The following NME7 variants were observed in gnomAD, a reference collection of about 807,000 sequenced individuals.
The protein encoded by NME7 is nucleoside diphosphate kinase 7.
Under a neutral mutation model 49.1 loss-of-function variants are expected in NME7, and 41 were observed. That is an observed-to-expected ratio of 0.83 (90% CI 0.65 to 1.08). The LOEUF is 1.08. NME7 is among the 50% of genes least tolerant of loss of function. The probability of loss-of-function intolerance (pLI) is 0.00; values close to 1 mark genes in which losing one functional copy is unlikely to be tolerated. For missense variants in NME7, 423 were observed against 463.4 expected (o/e 0.91, Z 0.80); for synonymous variants, 139 against 150.6 (o/e 0.92, Z 0.56).
chr1:169,170,465 T>C (rs1477612246), intron 10 of NME7, among the ~76,000 whole-genome samples: 1 of 152,238 alleles, frequency 6.6e-6, no homozygotes, highest in East Asian at 1.9e-4. Context: ...TAAGTTTTAT[T>C]TGCCAGGGTT....
At chr1:169,350,241 AGAAAGAAG>A (rs1306589768) in intron 1 of NME7, among the ~76,000 whole-genome samples, 9 of 3,708 alleles carry the variant, frequency 2.4e-3, no homozygotes, top group East Asian at 0.012. Context: ...AAAGAAAGAA[AGAAAGAAG>A]GAAGGAAGGA....
At chr1:169,133,147 A>G (rs2101799422) in intron 11 of NME7, among the ~76,000 whole-genome samples, 1 of 152,350 alleles carries the variant, frequency 6.6e-6, no homozygotes, top group South Asian at 2.1e-4. Context: ...TTTGTGGTTC[A>G]GTAAATTAAG....
chr1:169,282,970 T>C (rs1362168151), intron 7 of NME7, among the ~76,000 whole-genome samples: 1 of 152,158 alleles, frequency 6.6e-6, no homozygotes, highest in Non-Finnish European at 1.5e-5. Context: ...GTCTGCTTGG[T>C]TTAGAGCTGA....
chr1:169,308,767 G>A (rs1372661140), intron 4 of NME7, among the ~76,000 whole-genome samples: 1 of 152,046 alleles, frequency 6.6e-6, no homozygotes, highest in African/African-American at 2.4e-5. Flanking sequence ...CTTACTTCAT[G>A]ATAGAAAGGG....
intron 10 of NME7, among the ~76,000 whole-genome samples, chr1:169,209,058 T>C (rs2101790080): frequency 6.6e-6 from 1 of 152,052 alleles, no homozygotes; most frequent in East Asian, 2.0e-4. Context: ...ATATAGCATT[T>C]TTTGTTTTTA....
chr1:169,337,066 C>A lies in NME7; in HGVS notation c.4-12566G>T, dbSNP rs564839213. Among the ~76,000 whole-genome samples the A allele has an allele frequency of 1.2e-4, 19 of 152,354 alleles. No individual in the cohort carries two copies. The South Asian group carries it at 3.9e-3, about 32-fold the overall frequency. ...TGGAGCTGCCTGCCAGTCCCAGTGCCGTGTGCCCGCACTCCTCAGCCCTTG... is the reference window on the plus strand; with the variant it reads ...TGGAGCTGCCTGCCAGTCCCAGTGCAGTGTGCCCGCACTCCTCAGCCCTTG... On this transcript the variant is annotated intron_variant, in intron 1 of 11. Coordinates refer to ENST00000367811, the MANE Select transcript of NME7 (RefSeq NM_013330.5).
rs147049433 is a variant in NME7, at chr1:169,161,300, C to T, written c.1098+8147G>A. 4.7e-3 allele frequency among the ~76,000 whole-genome samples: 717 copies of T among 152,264 alleles called. 6 individuals carry two copies. Among genetic ancestry groups the T allele is most frequent in the Admixed American group, 9.2e-3 (141 of 15,292 alleles). ...GCTTTTGTATTTGTACAAGTTGTTCCCTCTTTGACAATGTACTACTAAAAA... is the reference window on the plus strand; with the variant it reads ...GCTTTTGTATTTGTACAAGTTGTTCTCTCTTTGACAATGTACTACTAAAAA... On this transcript the variant is annotated intron_variant, in intron 11 of 11. Transcript: ENST00000367811.
intron 1 of NME7, among the ~76,000 whole-genome samples, chr1:169,341,892 A>G (rs940180993): frequency 6.6e-6 from 1 of 152,122 alleles, no homozygotes; most frequent in South Asian, 2.1e-4. Flanking sequence ...CTGTGCCCCC[A>G]CTGTATCTTA....
At chr1:169,154,908 T>C (rs1030894401) in intron 11 of NME7, among the ~76,000 whole-genome samples, 2 of 152,102 alleles carry the variant, frequency 1.3e-5, no homozygotes, top group Admixed American at 1.3e-4. Flanking sequence ...ACTCTATTTC[T>C]CCAAATAATT....
intron 7 of NME7, among the ~76,000 whole-genome samples, chr1:169,243,181 T>C (rs1445456290): frequency 6.6e-6 from 1 of 152,178 alleles, no homozygotes; most frequent in African/African-American, 2.4e-5. Flanking sequence ...GGTGTAGTAT[T>C]GTCAGTGATA....
intron 7 of NME7, among the ~76,000 whole-genome samples, chr1:169,244,811 G>A (rs1648241332): frequency 6.6e-6 from 1 of 151,572 alleles, no homozygotes; most frequent in Non-Finnish European, 1.5e-5. Context: ...GTCTTTCCTG[G>A]CATCAATATT....
intron 3 of NME7, among the ~76,000 whole-genome samples, chr1:169,317,165 A>G (rs924970957): frequency 6.6e-6 from 1 of 152,206 alleles, no homozygotes; most frequent in Non-Finnish European, 1.5e-5. Flanking sequence ...TATCTAAAGC[A>G]TAACAGGGCA....
chr1:169,303,687 G>A (rs1414729225), intron 4 of NME7, among the ~76,000 whole-genome samples: 1 of 151,840 alleles, frequency 6.6e-6, no homozygotes, highest in Non-Finnish European at 1.5e-5. Flanking sequence ...CCTGACCTCA[G>A]GTGATCCACC....
chr1:169,139,225 T>C (rs1000868797), intron 11 of NME7, among the ~76,000 whole-genome samples: 1 of 152,226 alleles, frequency 6.6e-6, no homozygotes, highest in African/African-American at 2.4e-5. Context: ...CATATTTATA[T>C]TTTAAATTTT....
intron 7 of NME7, 31 bp from the exon 8 acceptor site, chr1:169,237,718 AC>A (rs1438407501): frequency 1.3e-6 from 2 of 1,567,386 alleles, no homozygotes; most frequent in Non-Finnish European, 1.7e-6. Flanking sequence ...GTGAAAAAAT[AC>A]AAAATTTTAA....
At chr1:169,336,160 T>C (rs1244747212) in intron 1 of NME7, among the ~76,000 whole-genome samples, 1 of 151,676 alleles carries the variant, frequency 6.6e-6, no homozygotes, top group Admixed American at 6.6e-5. Flanking sequence ...AGACAGCGCG[T>C]CCGGAGTTGT....
chr1:169,284,843 T>C (rs950664522), intron 7 of NME7: 2 of 152,134 alleles, frequency 1.3e-5, no homozygotes, highest in African/African-American at 4.8e-5. Context: ...TATTAAGGTA[T>C]ACAACTAGTA....
intron 7 of NME7, among the ~76,000 whole-genome samples, chr1:169,251,738 G>C (rs1412262019): frequency 1.6e-5 from 2 of 123,872 alleles, no homozygotes; most frequent in Non-Finnish European, 3.2e-5. Context: ...AGTCCCCAGA[G>C]TGTGATATTC....
intron 10 of NME7, among the ~76,000 whole-genome samples, chr1:169,228,403 C>T (rs1027864583): frequency 6.6e-6 from 1 of 152,068 alleles, no homozygotes; most frequent in Admixed American, 6.5e-5. Context: ...ACAGGCCGGG[C>T]ACGGTGGCTC....
Sources: allele counts gnomAD v4.1 joint callset (sites outside exome capture counted in the v4.1 genomes callset), GRCh38; gene constraint gnomAD v4.1.1; transcripts MANE v1.5; gene names NCBI Gene and HGNC (gene_info 2026-07-23, HGNC 2026-07-21).